Variants in KLHL41 observed in about 807,000 individuals in gnomAD.
KLHL41 encodes kelch like family member 41.
In KLHL41, 31 loss-of-function variants were observed where a neutral mutation model predicts 49.2. The ratio of observed to expected loss-of-function variants is 0.63; its 90% CI spans 0.47 to 0.85. The LOEUF is 0.85. Ranked by LOEUF, KLHL41 falls within the 40% of genes least tolerant of loss-of-function variation. KLHL41 has a pLI of 0.00. For missense variants in KLHL41, 663 were observed against 726.7 expected (o/e 0.91, Z 1.01); for synonymous variants, 218 against 258.5 (o/e 0.84, Z 1.50).
intron 1 of KLHL41, chr2:169,514,289 G>A (rs542151591): frequency 7.4e-6 from 2 of 268,954 alleles, no homozygotes; most frequent in South Asian, 1.5e-4. Flanking sequence ...AATTTGACAA[G>A]AAACCTCACA....
rs1383141228 is a variant in KLHL41 at position 169,517,596 on chromosome 2, A to G, written c.1377-594A>G. Among the ~76,000 whole-genome samples, 4 of 152,178 alleles carry G rather than the reference A, an allele frequency of 2.6e-5. No homozygotes were observed. The East Asian group carries it at 7.7e-4, about 29-fold the overall frequency. ...TCCAGCCTGGGTGGCAGAGTGAATA[A>G]TAATTCAGATGAGTCCAGGTCTTTC... is the stretch of plus-strand genomic sequence containing the variant. On this transcript the variant is annotated intron_variant, in intron 3 of 5. Coordinates refer to ENST00000284669, the MANE Select transcript of KLHL41 (RefSeq NM_006063.3).
chr2:169,518,293 A>G lies in KLHL41; in HGVS notation c.1480A>G (p.Lys494Glu), dbSNP rs757015066. The change falls in exon 4 of 6, where the codon AAA becomes GAA. Residue 494 changes from lysine (K) to glutamate (E), a missense_variant. By Grantham distance (56) the Lys-to-Glu change is moderately conservative. Around this residue, in one of 3 missense-constraint regions of KLHL41, gnomAD observed 528 missense variants for 581.0 expected, o/e 0.91. Coordinates refer to ENST00000284669, the MANE Select transcript of KLHL41 (RefSeq NM_006063.3). ...TTCCATGTTTGGAGTAGCAGTCCAT[A>G]AAGGCAAAATTGTGATTGCAGGAGG... is the stretch of plus-strand genomic sequence containing the variant. The part of the protein sequence containing the change: ...PRSMFGVAVH[K>E]GKIVIAGGVT... 6.2e-7 allele frequency: 1 copy of G among 1,614,092 alleles called. No individual in the cohort carries two copies. Among genetic ancestry groups the G allele is most frequent in the East Asian group, 2.2e-5 (1 of 44,876 alleles).
Position 169,510,591 on chromosome 2 carries a change from G to A in KLHL41, c.813G>A (p.Ala271=), listed in dbSNP as rs747222396. The A allele has an allele frequency of 1.5e-5, 24 of 1,614,060 alleles. No individual in the cohort carries two copies. The South Asian group carries it at 2.0e-4, about 13-fold the overall frequency. ...GKLPEPSKNA[A]KTGAGEVNGD... ...TCCCAGAACCTAGCAAAAATGCCGC[G>A]AAGACTGGGGCTGGTGAGGTGAATG... The change falls in exon 1 of 6, where the codon GCG becomes GCA. Residue 271 remains alanine (A), a synonymous_variant. Coordinates refer to ENST00000284669, the MANE Select transcript of KLHL41 (RefSeq NM_006063.3). This position sits in a 1 kb window ranked among gnomAD's most constrained non-coding sequence, Gnocchi z 4.2.
chr2:169,520,275 AGTGT>A (rs71003095), intron 4 of KLHL41, among the ~76,000 whole-genome samples: 14,729 of 56,606 alleles, frequency 0.26, 1,568 homozygotes, highest in Non-Finnish European at 0.32. Flanking sequence ...CTCCTGCCTC[AGTGT>A]GTGTGTGTGT....
At chr2:169,520,653 A>G (rs1173171093) in intron 4 of KLHL41, among the ~76,000 whole-genome samples, 1 of 148,914 alleles carries the variant, frequency 6.7e-6, no homozygotes, top group East Asian at 2.0e-4. Flanking sequence ...GGGTTTCACC[A>G]TGTTGGTCAG....
Position 169,510,770 on chromosome 2 carries a change from A to G in KLHL41, c.992A>G (p.Glu331Gly), listed in dbSNP as rs1014946081. 1.9e-6 allele frequency: 3 copies of G among 1,614,080 alleles called. No homozygotes were observed. The African/African-American group carries it at 4.0e-5, about 22-fold the overall frequency. Reference protein sequence around the residue: ...ENECYLTALAEQIPRNHSSIV... With the variant: ...ENECYLTALAGQIPRNHSSIV... Reference sequence around the variant, plus strand: ...GAATGCTACCTTACTGCACTGGCTGAGCAGATTCCCAGAAATCATTCCAGC... The same window carrying G: ...GAATGCTACCTTACTGCACTGGCTGGGCAGATTCCCAGAAATCATTCCAGC... The change falls in exon 1 of 6, where the codon GAG becomes GGG. Residue 331 changes from glutamate (E) to glycine (G), a missense_variant. By Grantham distance (98) the Glu-to-Gly change is moderately conservative. Transcript: ENST00000284669. The surrounding 1 kb of genome is among the most constrained non-coding windows in gnomAD (Gnocchi z 4.2).
intron 5 of KLHL41, among the ~76,000 whole-genome samples, chr2:169,521,402 A>T (rs1559132360): frequency 6.6e-6 from 1 of 152,036 alleles, no homozygotes; most frequent in African/African-American, 2.4e-5. Flanking sequence ...TTACTTTTTT[A>T]TTTTTATTTT....
rs1433163912 is a variant in KLHL41, at chr2:169,514,657, T to G, written c.1194T>G (p.Asp398Glu). The G allele has an allele frequency of 6.2e-7, 1 of 1,614,096 alleles. No homozygotes were observed. Among genetic ancestry groups the G allele is most frequent in the Non-Finnish European group, 8.5e-7 (1 of 1,179,956 alleles). The change falls in exon 2 of 6, where the codon GAT becomes GAG. Residue 398 changes from aspartate (D) to glutamate (E), a missense_variant. Around this residue, in one of 3 missense-constraint regions of KLHL41, gnomAD observed 528 missense variants for 581.0 expected, o/e 0.91. Transcript: ENST00000284669. The part of the protein sequence containing the change: ...RCLFGLGEVD[D>E]KIYVVAGKDL... ...TCTTCGGTCTGGGAGAGGTGGATGA[T>G]AAAATCTATGTAGTTGCAGGCAAAG...
chr2:169,509,726 T>G lies in KLHL41; in HGVS notation c.-53T>G. 3.2e-6 allele frequency: 5 copies of G among 1,543,734 alleles called. No homozygotes were observed. The highest frequency in any genetic ancestry group is 4.3e-6 in the Non-Finnish European group (5 of 1,150,304). On this transcript the variant is annotated 5_prime_UTR_variant, in exon 1 of 6. Coordinates refer to ENST00000284669, the MANE Select transcript of KLHL41 (RefSeq NM_006063.3). Reference sequence around the variant, plus strand: ...CCTTTTTACAGCTAGACCTGTGTGCTGCAAGGAGCTAAGGCCTTCAGTGTC... The same window carrying G: ...CCTTTTTACAGCTAGACCTGTGTGCGGCAAGGAGCTAAGGCCTTCAGTGTC...
rs1300830477 is a variant in KLHL41, at chr2:169,520,905, G to A, written c.1607G>A (p.Ser536Asn). The change falls in exon 5 of 6, where the codon AGT becomes AAT. Residue 536 changes from serine (S) to asparagine (N), a missense_variant. Ser to Asn is a conservative substitution (Grantham distance 46). Transcript: ENST00000284669. Reference protein sequence around the residue: ...TEFPQERSSISLVSLAGSLYA... With the variant: ...TEFPQERSSINLVSLAGSLYA... ...TTTCCCCAAGAAAGAAGCTCCATCA[G>A]TTTGGTCAGCCTGGCTGGATCTCTG... The A allele has an allele frequency of 1.2e-6, 2 of 1,613,632 alleles. No homozygotes were observed. The highest frequency in any genetic ancestry group is 8.5e-7 in the Non-Finnish European group (1 of 1,179,590).
chr2:169,520,282 G>GTGTGTGTGTGTGTGTGTGTGTGTGTA (rs1684181406), intron 4 of KLHL41, among the ~76,000 whole-genome samples: 4 of 92,350 alleles, frequency 4.3e-5, no homozygotes, highest in Admixed American at 2.5e-4. Flanking sequence ...CTCAGTGTGT[G>GTGTGTGTGTGTGTGTGTGTGTGTGTA]TGTGTGTGTG....
chr2:169,522,045 G>C (rs1684210862), intron 5 of KLHL41, among the ~76,000 whole-genome samples: 6 of 151,396 alleles, frequency 4.0e-5, no homozygotes, highest in Admixed American at 6.6e-5. Flanking sequence ...AGACCCTACT[G>C]AATGAGAATC....
rs74704359 is a variant in KLHL41 at position 169,515,135 on chromosome 2, G to C, written c.1376+174G>C. ...TGCAACCGCCGCCTCCTGGGTTCAA[G>C]CGATTCTCCTGTCTCAGCCTCCTGA... On this transcript the variant is annotated intron_variant, in intron 3 of 5. Coordinates refer to ENST00000284669, the MANE Select transcript of KLHL41 (RefSeq NM_006063.3). Among the ~76,000 whole-genome samples, 131 of 151,346 alleles carry C rather than the reference G, an allele frequency of 8.7e-4. 3 individuals are homozygous for C. In the East Asian group the frequency reaches 0.024, roughly 28 times the overall value.
chr2:169,512,132 T>C (rs560040494), intron 1 of KLHL41, among the ~76,000 whole-genome samples: 26 of 152,366 alleles, frequency 1.7e-4, no homozygotes, highest in African/African-American at 5.5e-4. Context: ...AATACTATTA[T>C]ACCTTTAATC....
At chr2:169,516,226 G>T (rs1434174569) in intron 3 of KLHL41, among the ~76,000 whole-genome samples, 2 of 152,186 alleles carry the variant, frequency 1.3e-5, no homozygotes, top group African/African-American at 4.8e-5. Context: ...CAGGAAAGGA[G>T]AGTAAAATAT....
chr2:169,516,718 C>T (rs1488318391), intron 3 of KLHL41, among the ~76,000 whole-genome samples: 1 of 152,124 alleles, frequency 6.6e-6, no homozygotes, highest in Non-Finnish European at 1.5e-5. Context: ...TGAAATGAGT[C>T]ATTATCTAAA....
At chr2:169,520,788 C>T in intron 4 of KLHL41, 73 bp from the exon 5 acceptor site, 2 of 1,228,802 alleles carry the variant, frequency 1.6e-6, no homozygotes, top group East Asian at 2.4e-5. Flanking sequence ...ATTATTATTT[C>T]CTATAATTAT....
At position 169,525,937 on chromosome 2, in the gene KLHL41, ATCTGTT is replaced by A. The variant is rs1684298892; in HGVS notation, c.*244_*249del. On this transcript the variant is annotated 3_prime_UTR_variant, in exon 6 of 6. Coordinates refer to ENST00000284669, the MANE Select transcript of KLHL41 (RefSeq NM_006063.3). Reference sequence around the variant, plus strand: ...TTCAGTTGAACAAATTATTTTGTGAATCTGTTTCACTCAATGGATTGTAAAGAAGGC... The same window carrying A: ...TTCAGTTGAACAAATTATTTTGTGAATCACTCAATGGATTGTAAAGAAGGC... The A allele has an allele frequency of 1.6e-5, 5 of 314,156 alleles. No homozygotes were observed. Among genetic ancestry groups the A allele is most frequent in the Admixed American group, 4.7e-5 (1 of 21,284 alleles). The allele number at this position is 314,156 out of a possible 1,614,324, so 19.5% of individuals were successfully genotyped here.
chr2:169,521,479 G>A lies in KLHL41; in HGVS notation c.1709+472G>A, dbSNP rs557571070. Among the ~76,000 whole-genome samples the A allele has an allele frequency of 4.0e-5, 6 of 151,638 alleles. No homozygotes were observed. In the East Asian group the frequency reaches 9.7e-4, roughly 24 times the overall value. On this transcript the variant is annotated intron_variant, in intron 5 of 5. Transcript: ENST00000284669. ...CGGGATCTCAGCTCACTGCAACCTC[G>A]GCCTCCCAGGTTCAAGTGATTCTCC...
Sources: allele counts gnomAD v4.1 joint callset (sites outside exome capture counted in the v4.1 genomes callset), GRCh38; gene constraint gnomAD v4.1.1; regional missense constraint gnomAD v4.1.1; non-coding constraint Gnocchi (gnomAD v3.1); transcripts MANE v1.5; gene names NCBI Gene and HGNC (gene_info 2026-07-23, HGNC 2026-07-21).